Variants in MMP11 observed in about 807,000 individuals in gnomAD.
MMP11 encodes matrix metallopeptidase 11.
A neutral mutation model predicts 49.5 loss-of-function variants in MMP11; 26 were observed. The observed-to-expected ratio is 0.52, with a 90% CI of 0.38 to 0.73. MMP11 has a LOEUF of 0.73. Ranked by LOEUF, MMP11 falls within the 30% of genes least tolerant of loss-of-function variation. MMP11 has a pLI of 0.00. For missense variants in MMP11, 624 were observed against 671.2 expected, an observed-to-expected ratio of 0.93 and a Z score of 0.78; for synonymous variants, 265 against 282.3, an observed-to-expected ratio of 0.94 and a Z score of 0.62.
At position 23,781,009 on chromosome 22, in the gene MMP11, T is replaced by C; in HGVS notation, c.767T>C (p.Leu256Pro). The part of the protein sequence containing the change: ...SPDDCRGVQH[L>P]YGQPWPTVTS... ...GATGACTGCAGGGGCGTTCAACACC[T>C]ATATGGCCAGCCCTGGCCCACTGTC... The change falls in exon 5 of 8, where the codon CTA (leucine) becomes CCA (proline). Residue 256 changes from leucine (L) to proline (P), a missense_variant. Coordinates refer to ENST00000215743, the MANE Select transcript of MMP11 (RefSeq NM_005940.5). The C allele has an allele frequency of 1.2e-6, 2 of 1,612,988 alleles. No homozygotes were observed. Among genetic ancestry groups the C allele is most frequent in the Non-Finnish European group, 1.7e-6 (2 of 1,179,986 alleles).
intron 1 of MMP11, among the ~76,000 whole-genome samples, 190 bp downstream of exon 1, chr22:23,773,168 G>A (rs1040608704): frequency 6.6e-6 from 1 of 152,172 alleles, no homozygotes; most frequent in Non-Finnish European, 1.5e-5. Context: ...GTGAAGGGGA[G>A]CCGGCGCCGG....
Position 23,780,334 on chromosome 22 carries a change from C to T in MMP11, c.339-25C>T, listed in dbSNP as rs1285676621. On this transcript the variant is annotated intron_variant, in intron 2 of 7. Coordinates refer to ENST00000215743, the MANE Select transcript of MMP11 (RefSeq NM_005940.5). This position sits in a 1 kb window ranked among gnomAD's most constrained non-coding sequence, Gnocchi z 4.6. Reference sequence around the variant, plus strand: ...ATCGGGGGCTGTCCCTTCCCTGAGGCCCAGGCCCCTCCATCTCCCTCCAGG... The same window carrying T: ...ATCGGGGGCTGTCCCTTCCCTGAGGTCCAGGCCCCTCCATCTCCCTCCAGG... The T allele has an allele frequency of 8.7e-6, 14 of 1,612,096 alleles. No homozygotes were observed. The highest frequency in any genetic ancestry group is 1.1e-5 in the Non-Finnish European group (13 of 1,179,996).
In MMP11 at chr22:23,783,670, G is replaced by A. The variant is rs1287352954; in HGVS notation, c.*126G>A. ...GACTGAGCCCATGTCTCCTCAGGGGGATGGGGTGGGGTACAACCACCATGA... is the reference window on the plus strand; with the variant it reads ...GACTGAGCCCATGTCTCCTCAGGGGAATGGGGTGGGGTACAACCACCATGA... On this transcript the variant is annotated 3_prime_UTR_variant, in exon 8 of 8. Coordinates refer to ENST00000215743, the MANE Select transcript of MMP11 (RefSeq NM_005940.5). 7.5e-7 allele frequency: 1 copy of A among 1,334,372 alleles called. No homozygotes were observed. Among genetic ancestry groups the A allele is most frequent in the Non-Finnish European group, 1.0e-6 (1 of 955,268 alleles). 82.7% of individuals were successfully genotyped at this position (1,334,372 alleles called of 1,614,324 possible). A position where few individuals can be genotyped will look rare whatever the true frequency, so the allele number is the denominator to read the frequency against.
At chr22:23,782,973 A>C (rs1184281570) in intron 7 of MMP11, among the ~76,000 whole-genome samples, 1 of 152,116 alleles carries the variant, frequency 6.6e-6, no homozygotes, top group Non-Finnish European at 1.5e-5. Flanking sequence ...CTCCCCTGCT[A>C]GGCTCCTCTT....
chr22:23,776,141 G>GT (rs1441370291), intron 1 of MMP11, among the ~76,000 whole-genome samples: 1 of 152,192 alleles, frequency 6.6e-6, no homozygotes, highest in Non-Finnish European at 1.5e-5. Flanking sequence ...AGTGGAAGGG[G>GT]TGGGGGCATG....
chr22:23,775,922 T>C (rs1927395386), intron 1 of MMP11, among the ~76,000 whole-genome samples: 1 of 152,216 alleles, frequency 6.6e-6, no homozygotes, highest in South Asian at 2.1e-4. Context: ...CAGAAGGATG[T>C]CATGTAGCCC....
At chr22:23,775,551 AT>A (rs1927381250) in intron 1 of MMP11, among the ~76,000 whole-genome samples, 1 of 152,268 alleles carries the variant, frequency 6.6e-6, no homozygotes, top group African/African-American at 2.4e-5. Flanking sequence ...CTCTAAAAAA[AT>A]AATGGGCTCT....
chr22:23,782,497 G>T lies in MMP11; in HGVS notation c.1333+14G>T. 1 of 1,595,602 alleles carries T rather than the reference G, an allele frequency of 6.3e-7. No individual in the cohort carries two copies. The highest frequency in any genetic ancestry group is 8.5e-7 in the Non-Finnish European group (1 of 1,169,614). Reference sequence around the variant, plus strand: ...AGGATGCTGATGGTGCGTTGGGGGTGAGGCAGCTGGTGGGAGGTGGGCACA... The same window carrying T: ...AGGATGCTGATGGTGCGTTGGGGGTTAGGCAGCTGGTGGGAGGTGGGCACA... On this transcript the variant is annotated intron_variant, in intron 7 of 7. Transcript: ENST00000215743.
At chr22:23,782,107 G>A (rs980997369) in intron 6 of MMP11, 119 bp from the exon 7 acceptor site, 57 of 1,457,134 alleles carry the variant, frequency 3.9e-5, no homozygotes, top group East Asian at 1.6e-4. Flanking sequence ...TGGCCTGCAT[G>A]TTTTACTGAT....
intron 7 of MMP11, 125 bp downstream of exon 7, chr22:23,782,608 A>G: frequency 8.3e-7 from 1 of 1,210,926 alleles, no homozygotes; most frequent in Non-Finnish European, 1.1e-6. Context: ...TCCTTTGTCC[A>G]GAGCCATCTG....
rs764202541 is a variant in MMP11, at chr22:23,782,308, G to C, written c.1158G>C (p.Pro386=). The stretch of plus-strand genomic sequence containing the variant: ...CCGAGCTGGGCCTGGTGAGGTTCCC[G>C]GTCCATGCTGCCTTGGTCTGGGGTC... ...PLTELGLVRF[P]VHAALVWGPE... is the part of the protein sequence containing the mutation. Residue 386 remains proline, a synonymous_variant, in exon 7 of 8, where the codon CCG becomes CCC. Transcript: ENST00000215743. The C allele has an allele frequency of 1.5e-5, 24 of 1,613,814 alleles. No homozygotes were observed. Among genetic ancestry groups the C allele is most frequent in the Non-Finnish European group, 1.9e-5 (22 of 1,180,020 alleles).
chr22:23,780,492 G>A lies in MMP11; in HGVS notation c.472G>A (p.Asp158Asn), dbSNP rs373082777. Residue 158 changes from aspartate to asparagine, a missense_variant, in exon 3 of 8, where the codon GAC becomes AAC. By Grantham distance (23) the Asp-to-Asn change is conservative. Transcript: ENST00000215743. The surrounding 1 kb of genome is among the most constrained non-coding windows in gnomAD (Gnocchi z 4.6). Reference protein sequence around the residue: ...VHEGRADIMIDFARYWHGDDL... With the variant: ...VHEGRADIMINFARYWHGDDL... ...CGAGGGCCGTGCTGACATCATGATCGACTTCGCCAGGTGAATGGGCGGCCT... is the reference window on the plus strand; with the variant it reads ...CGAGGGCCGTGCTGACATCATGATCAACTTCGCCAGGTGAATGGGCGGCCT... The A allele has an allele frequency of 5.7e-5, 92 of 1,613,840 alleles. No individual in the cohort carries two copies. Among genetic ancestry groups the A allele is most frequent in the East Asian group, 4.5e-4 (20 of 44,862 alleles).
rs1290231351 is a variant in MMP11 at position 23,781,280 on chromosome 22, G to T, written c.946G>T (p.Val316Leu). ...GELFFFKAGF[V>L]WRLRGGQLQP... ...GCTCTTTTTCTTCAAAGCGGGCTTTGTGTGGCGCCTCCGTGGGGGCCAGCT... is the reference window on the plus strand; with the variant it reads ...GCTCTTTTTCTTCAAAGCGGGCTTTTTGTGGCGCCTCCGTGGGGGCCAGCT... The change falls in exon 6 of 8, where the codon GTG becomes TTG. Residue 316 changes from valine to leucine, a missense_variant. Physicochemically the swap from Val to Leu is conservative, Grantham distance 32. Coordinates refer to ENST00000215743, the MANE Select transcript of MMP11 (RefSeq NM_005940.5). 1 of 1,612,166 alleles carries T rather than the reference G, an allele frequency of 6.2e-7. No individual in the cohort carries two copies. Among genetic ancestry groups the T allele is most frequent in the Non-Finnish European group, 8.5e-7 (1 of 1,180,024 alleles).
Position 23,782,420 on chromosome 22 carries a change from C to T in MMP11, c.1270C>T (p.Arg424Cys), listed in dbSNP as rs368090176. 23 of 1,613,638 alleles carry T rather than the reference C, an allele frequency of 1.4e-5. No homozygotes were observed. The highest frequency in any genetic ancestry group is 4.0e-5 in the African/African-American group (3 of 74,918). The change falls in exon 7 of 8, where the codon CGC becomes TGC. Residue 424 changes from arginine to cysteine, a missense_variant. Physicochemically the swap from Arg to Cys is radical, Grantham distance 180. Coordinates refer to ENST00000215743, the MANE Select transcript of MMP11 (RefSeq NM_005940.5). ...CCGGCGTGTAGACAGTCCCGTGCCCCGCAGGGCCACTGACTGGAGAGGGGT... is the reference window on the plus strand; with the variant it reads ...CCGGCGTGTAGACAGTCCCGTGCCCTGCAGGGCCACTGACTGGAGAGGGGT... ...STRRVDSPVPRRATDWRGVPS... is the reference protein window; with the variant it reads ...STRRVDSPVPCRATDWRGVPS...
chr22:23,780,820 A>G lies in MMP11; in HGVS notation c.617-39A>G, dbSNP rs760622689. ...GGGTCTGGAGCTGGATGTCCTGGGCAGGAGGTTCGGGGGTTGCTGAGCCAC... is the reference window on the plus strand; with the variant it reads ...GGGTCTGGAGCTGGATGTCCTGGGCGGGAGGTTCGGGGGTTGCTGAGCCAC... On this transcript the variant is annotated intron_variant, in intron 4 of 7. Coordinates refer to ENST00000215743, the MANE Select transcript of MMP11 (RefSeq NM_005940.5). The surrounding 1 kb of genome is among the most constrained non-coding windows in gnomAD (Gnocchi z 4.6). The G allele has an allele frequency of 2.5e-6, 4 of 1,593,968 alleles. No homozygotes were observed. The highest frequency in any genetic ancestry group is 2.2e-5 in the East Asian group (1 of 44,796).
At chr22:23,783,311 C>T (rs1927709861) in intron 7 of MMP11, 100 bp from the exon 8 acceptor site, 1 of 1,451,602 alleles carries the variant, frequency 6.9e-7, no homozygotes, top group Non-Finnish European at 9.5e-7. Flanking sequence ...AAGGGCTTCC[C>T]ACTCAGCCCT....
chr22:23,776,609 G>A lies in MMP11; in HGVS notation c.109-2578G>A, dbSNP rs138047056. ...TGCAGAGCAGAGCAGAGGTAGCAGG[G>A]AGCTGGGTGGGCTGTGAGCACAGAC... On this transcript the variant is annotated intron_variant, in intron 1 of 7. Coordinates refer to ENST00000215743, the MANE Select transcript of MMP11 (RefSeq NM_005940.5). 1.9e-3 allele frequency among the ~76,000 whole-genome samples: 292 copies of A among 152,296 alleles called. 1 individual carries two copies. Among genetic ancestry groups the A allele is most frequent in the Non-Finnish European group, 3.6e-3 (246 of 68,016 alleles).
chr22:23,777,552 G>A (rs1427387277), intron 1 of MMP11: 1 of 141,556 alleles, frequency 7.1e-6, no homozygotes, highest in East Asian at 2.1e-4. Context: ...GGGCGATAGA[G>A]CGAGACTCTC....
chr22:23,776,908 C>T (rs1239375270), intron 1 of MMP11, among the ~76,000 whole-genome samples: 1 of 151,230 alleles, frequency 6.6e-6, no homozygotes, highest in Non-Finnish European at 1.5e-5. Flanking sequence ...CCCAGGTTCA[C>T]GCCATTCTCC....
Sources: allele counts gnomAD v4.1 joint callset (sites outside exome capture counted in the v4.1 genomes callset), GRCh38; gene constraint gnomAD v4.1.1; non-coding constraint Gnocchi (gnomAD v3.1); transcripts MANE v1.5; gene names NCBI Gene and HGNC (gene_info 2026-07-23, HGNC 2026-07-21).